Variants in PTPRK observed in about 807,000 individuals in gnomAD.
PTPRK encodes protein tyrosine phosphatase receptor type K, also known as receptor-type tyrosine-protein phosphatase kappa.
In PTPRK, 75 loss-of-function variants were observed where a neutral mutation model predicts 178.0. The observed-to-expected ratio is 0.42, with a 90% CI of 0.35 to 0.51. PTPRK has a LOEUF of 0.51. PTPRK is among the 20% of genes least tolerant of loss of function. The probability of loss-of-function intolerance (pLI) is 0.02; values close to 1 mark genes in which losing one functional copy is unlikely to be tolerated. For synonymous variants in PTPRK, 637 were observed against 620.6 expected (o/e 1.03, Z -0.39); for missense variants, 1,441 against 1,797.8 (o/e 0.80, Z 3.59).
intron 7 of PTPRK, among the ~76,000 whole-genome samples, chr6:128,135,554 C>A (rs971563645): frequency 1.3e-5 from 2 of 152,182 alleles, no homozygotes; most frequent in African/African-American, 4.8e-5. Flanking sequence ...TGAGATTCAG[C>A]CTAGGGAGTG....
At chr6:128,513,402 G>A (rs1857451853) in intron 1 of PTPRK, among the ~76,000 whole-genome samples, 1 of 150,612 alleles carries the variant, frequency 6.6e-6, no homozygotes, top group Non-Finnish European at 1.5e-5. Flanking sequence ...AGAATCTCTT[G>A]AACCCAGGAG....
intron 15 of PTPRK, among the ~76,000 whole-genome samples, chr6:127,999,154 T>C (rs745961505): frequency 1.2e-4 from 18 of 152,168 alleles, no homozygotes; most frequent in Non-Finnish European, 2.5e-4. Flanking sequence ...AGACATCTGA[T>C]AGACCTTTTA....
chr6:128,217,913 C>T (rs551993155), intron 6 of PTPRK, among the ~76,000 whole-genome samples: 5 of 152,136 alleles, frequency 3.3e-5, no homozygotes, highest in Non-Finnish European at 7.3e-5. Flanking sequence ...AAACAGGTTA[C>T]GATTATTTTC....
chr6:128,329,525 T>A (rs990147034), intron 2 of PTPRK, among the ~76,000 whole-genome samples: 16 of 152,018 alleles, frequency 1.1e-4, no homozygotes, highest in African/African-American at 3.9e-4. Flanking sequence ...AACAGGACAG[T>A]CAATGGTATA....
At chr6:128,145,748 A>G (rs1796399269) in intron 7 of PTPRK, among the ~76,000 whole-genome samples, 2 of 152,180 alleles carry the variant, frequency 1.3e-5, no homozygotes, top group Non-Finnish European at 2.9e-5. Flanking sequence ...TTTCTATTAC[A>G]TTAGGTATAA....
At chr6:128,172,510 T>C (rs1327840302) in intron 7 of PTPRK, among the ~76,000 whole-genome samples, 1 of 151,862 alleles carries the variant, frequency 6.6e-6, no homozygotes, top group Non-Finnish European at 1.5e-5. Context: ...TTATTTTCGC[T>C]CATTACCAAA....
At chr6:128,372,393 G>A (rs1836423229) in intron 2 of PTPRK, among the ~76,000 whole-genome samples, 1 of 152,128 alleles carries the variant, frequency 6.6e-6, no homozygotes, top group South Asian at 2.1e-4. Context: ...TTAAAATCAT[G>A]TTCACCACAA....
chr6:128,199,844 T>C (rs1425840651), intron 6 of PTPRK, among the ~76,000 whole-genome samples: 1 of 152,206 alleles, frequency 6.6e-6, no homozygotes, highest in Non-Finnish European at 1.5e-5. Flanking sequence ...ACCAGATCTT[T>C]TGACTTCTAA....
chr6:128,251,689 C>A lies in PTPRK; in HGVS notation c.496-9087G>T, dbSNP rs141398128. Among the ~76,000 whole-genome samples the A allele has an allele frequency of 5.3e-5, 8 of 152,212 alleles. No individual in the cohort carries two copies. The East Asian group carries it at 1.5e-3, about 29-fold the overall frequency. ...ACTTTCATATATCTACGCACACATA[C>A]ATATATACACGTGCCCACATAATTC... On this transcript the variant is annotated intron_variant, in intron 3 of 29. Coordinates refer to ENST00000368226, the MANE Select transcript of PTPRK (RefSeq NM_002844.4).
At chr6:128,274,905 G>C (rs997372976) in intron 3 of PTPRK, among the ~76,000 whole-genome samples, 1 of 151,976 alleles carries the variant, frequency 6.6e-6, no homozygotes, top group African/African-American at 2.4e-5. Flanking sequence ...TGCTGGTGAG[G>C]TCTGATAACT....
intron 9 of PTPRK, 88 bp downstream of exon 9, chr6:128,083,627 T>G: frequency 1.5e-6 from 1 of 652,308 alleles, no homozygotes; most frequent in Non-Finnish European, 2.5e-6. Context: ...CATTTACGTC[T>G]TTTCCATATT....
intron 1 of PTPRK, among the ~76,000 whole-genome samples, chr6:128,416,248 C>T (rs1842836150): frequency 6.6e-6 from 1 of 151,832 alleles, no homozygotes; most frequent in Admixed American, 6.6e-5. Flanking sequence ...ACGACCACCA[C>T]ACACACAAAA....
At chr6:127,988,808 ATTTG>A (rs1447710064) in intron 21 of PTPRK, among the ~76,000 whole-genome samples, 24 of 150,804 alleles carry the variant, frequency 1.6e-4, no homozygotes, top group East Asian at 9.8e-4. Context: ...CTTTTTTCTC[ATTTG>A]TTTCTTTTTT....
intron 3 of PTPRK, among the ~76,000 whole-genome samples, chr6:128,262,821 T>TC (rs1430224039): frequency 4.1e-5 from 6 of 147,756 alleles, no homozygotes; most frequent in South Asian, 2.1e-4. Context: ...TTTTTTTTTT[T>TC]CCCAAGAATT....
intron 10 of PTPRK, among the ~76,000 whole-genome samples, chr6:128,080,161 G>A (rs1784561917): frequency 1.3e-5 from 2 of 152,098 alleles, no homozygotes; most frequent in South Asian, 4.1e-4. Context: ...CTAAAATTCT[G>A]AGAAAGGAAG....
intron 7 of PTPRK, among the ~76,000 whole-genome samples, chr6:128,115,880 A>G (rs1791446778): frequency 6.6e-6 from 1 of 152,046 alleles, no homozygotes; most frequent in Admixed American, 6.6e-5. Context: ...TATTTAATGC[A>G]TACTAGTCAC....
Position 128,219,005 on chromosome 6 carries a change from T to G in PTPRK, c.785A>C (p.Lys262Thr), listed in dbSNP as rs200951004. ...AASFRLQEVT[K>T]TDQDLYRCVT... ...ACAGCGATACAAATCCTGGTCAGTTTTTGTCACTTCTTGCAATCTGAAGGA... is the reference window on the plus strand; with the variant it reads ...ACAGCGATACAAATCCTGGTCAGTTGTTGTCACTTCTTGCAATCTGAAGGA... The change falls in exon 6 of 30, where the codon AAA becomes ACA. Residue 262 changes from lysine to threonine, a missense_variant. Physicochemically the swap from Lys to Thr is moderately conservative, Grantham distance 78. Around this residue, in one of 4 missense-constraint regions of PTPRK, gnomAD observed 945 missense variants for 1,080.6 expected, o/e 0.87. Transcript: ENST00000368226. The G allele has an allele frequency of 1.2e-6, 2 of 1,614,082 alleles. No homozygotes were observed. The highest frequency in any genetic ancestry group is 8.5e-7 in the Non-Finnish European group (1 of 1,179,968).
At chr6:128,064,839 A>G (rs1781482444) in intron 12 of PTPRK, 45 bp from the exon 13 acceptor site, 1 of 1,534,502 alleles carries the variant, frequency 6.5e-7, no homozygotes, top group East Asian at 2.4e-5. Context: ...TGTACAGATA[A>G]TGTTTCCTGT....
chr6:128,151,654 T>C (rs1562681898), intron 7 of PTPRK, among the ~76,000 whole-genome samples: 1 of 152,060 alleles, frequency 6.6e-6, no homozygotes, highest in African/African-American at 2.4e-5. Flanking sequence ...TATAAATCTA[T>C]GCTTCTTTTA....
Sources: gnomAD v4.1 joint callset for allele counts (sites outside exome capture counted in the v4.1 genomes callset) on GRCh38, gnomAD v4.1.1 for gene constraint, gnomAD v4.1.1 regional missense constraint, MANE v1.5 for transcripts, NCBI Gene and HGNC (gene_info 2026-07-23, HGNC 2026-07-21) for gene names.